The following SETBP1 variants were observed in gnomAD, a reference collection of about 807,000 sequenced individuals.
The protein encoded by SETBP1 is SET-binding protein.
A neutral mutation model predicts 101.0 loss-of-function variants in SETBP1; 9 were observed. The ratio of observed to expected loss-of-function variants is 0.09; its 90% CI spans 0.05 to 0.16. SETBP1 has a LOEUF of 0.16. Among genes scored for constraint, SETBP1 ranks in the 10% least tolerant of loss-of-function variants. The pLI is 1.00. For synonymous variants in SETBP1, 818 were observed against 788.5 expected, an observed-to-expected ratio of 1.04 and a Z score of -0.63; for missense variants, 1,858 against 2,033.8, an observed-to-expected ratio of 0.91 and a Z score of 1.66.
intron 2 of SETBP1, among the ~76,000 whole-genome samples, chr18:44,738,761 G>A (rs2360637): frequency 0.31 from 42,668 of 137,542 alleles, 6,522 homozygotes; most frequent in East Asian, 0.42. Flanking sequence ...GTGACAGAGC[G>A]AGACTCCATC....
At chr18:45,000,818 A>ACACACACACACACACT (rs935191660) in intron 4 of SETBP1, among the ~76,000 whole-genome samples, 1 of 151,574 alleles carries the variant, frequency 6.6e-6, no homozygotes, top group African/African-American at 2.4e-5. Context: ...ACACACACAC[A>ACACACACACACACACT]CACACACTCC....
intron 4 of SETBP1, among the ~76,000 whole-genome samples, chr18:45,016,866 C>T (rs377508548): frequency 2.6e-5 from 4 of 151,302 alleles, no homozygotes; most frequent in South Asian, 2.1e-4. Flanking sequence ...TTTTCAGAGC[C>T]GACTCTGGTA....
intron 2 of SETBP1, among the ~76,000 whole-genome samples, chr18:44,853,305 G>A (rs1599225239): frequency 6.6e-6 from 1 of 152,136 alleles, no homozygotes; most frequent in Admixed American, 6.5e-5. Flanking sequence ...AGGGTACAAA[G>A]TTTAACACCA....
chr18:44,760,782 G>A (rs528774757), intron 2 of SETBP1, among the ~76,000 whole-genome samples: 2 of 152,012 alleles, frequency 1.3e-5, no homozygotes, highest in Non-Finnish European at 2.9e-5. Flanking sequence ...TTTTTAACTC[G>A]CAGTAAAATA....
intron 3 of SETBP1, among the ~76,000 whole-genome samples, chr18:44,931,326 T>C (rs934227228): frequency 3.3e-5 from 5 of 152,142 alleles, no homozygotes; most frequent in Admixed American, 2.6e-4. Flanking sequence ...ATTTCTGTTC[T>C]TTTACATTTG....
At chr18:44,976,484 C>T (rs903311310) in intron 4 of SETBP1, among the ~76,000 whole-genome samples, 6 of 152,198 alleles carry the variant, frequency 3.9e-5, no homozygotes, top group Non-Finnish European at 7.3e-5. Flanking sequence ...GGCCCTCATC[C>T]GCCCTGCTGT....
At chr18:44,725,230 T>A (rs1021163137) in intron 2 of SETBP1, among the ~76,000 whole-genome samples, 1 of 152,310 alleles carries the variant, frequency 6.6e-6, no homozygotes, top group East Asian at 1.9e-4. Flanking sequence ...CTTTTCAACA[T>A]CTAAATCTGG....
chr18:44,992,995 A>T lies in SETBP1; in HGVS notation c.4000+39655A>T, dbSNP rs2072411727. On this transcript the variant is annotated intron_variant, in intron 4 of 5. Transcript: ENST00000649279. The stretch of plus-strand genomic sequence containing the variant: ...GATTTACCTCAGGAATGCAATTTTG[A>T]TCTAACATTAGAAAATAGATAAATA... Among the ~76,000 whole-genome samples, 3 of 152,112 alleles carry T rather than the reference A, an allele frequency of 2.0e-5. No individual in the cohort carries two copies. The South Asian group carries it at 6.2e-4, about 31-fold the overall frequency.
At chr18:44,772,856 G>A (rs897253888) in intron 2 of SETBP1, among the ~76,000 whole-genome samples, 6 of 152,160 alleles carry the variant, frequency 3.9e-5, no homozygotes, top group African/African-American at 1.4e-4. Context: ...CTCAAAACAT[G>A]TTAGATCTTA....
intron 2 of SETBP1, among the ~76,000 whole-genome samples, chr18:44,724,920 A>C (rs140281865): frequency 2.6e-5 from 4 of 152,336 alleles, no homozygotes; most frequent in African/African-American, 9.6e-5. Context: ...ATGAGCAAGA[A>C]TATTATTAAA....
At chr18:44,985,133 G>A (rs1169226482) in intron 4 of SETBP1, among the ~76,000 whole-genome samples, 2 of 152,060 alleles carry the variant, frequency 1.3e-5, no homozygotes, top group Non-Finnish European at 2.9e-5. Flanking sequence ...AGAGACTGTC[G>A]CCTTTTGAAC....
intron 2 of SETBP1, among the ~76,000 whole-genome samples, chr18:44,780,434 G>A (rs143174333): frequency 5.5e-4 from 84 of 152,222 alleles, no homozygotes; most frequent in African/African-American, 1.9e-3. Context: ...ATAATAAATC[G>A]TAAATATTTG....
chr18:44,894,575 T>G (rs2069848174), intron 3 of SETBP1, among the ~76,000 whole-genome samples: 3 of 152,156 alleles, frequency 2.0e-5, no homozygotes, highest in African/African-American at 7.2e-5. Flanking sequence ...TATATAGAAT[T>G]CCCATTCATT....
chr18:44,746,436 A>T (rs1387560185), intron 2 of SETBP1, among the ~76,000 whole-genome samples: 1 of 152,242 alleles, frequency 6.6e-6, no homozygotes, highest in Non-Finnish European at 1.5e-5. Flanking sequence ...CCTTCAGGCC[A>T]TGTTCCAAAA....
chr18:45,011,690 T>C (rs1473267378), intron 4 of SETBP1, among the ~76,000 whole-genome samples: 1 of 152,208 alleles, frequency 6.6e-6, no homozygotes, highest in Non-Finnish European at 1.5e-5. Flanking sequence ...AATAGTCTTC[T>C]AAAACCTACT....
chr18:44,860,801 A>T (rs1244338444), intron 2 of SETBP1, among the ~76,000 whole-genome samples: 1 of 152,028 alleles, frequency 6.6e-6, no homozygotes, highest in African/African-American at 2.4e-5. Context: ...CCCATGAGTA[A>T]CTCATGCACA....
At position 44,877,394 on chromosome 18, in the gene SETBP1, A is replaced by G. The variant is rs919613298; in HGVS notation, c.540+8111A>G. The G allele has an allele frequency of 5.1e-6, 5 of 980,402 alleles. No homozygotes were observed. In the African/African-American group the frequency reaches 8.7e-5, roughly 17 times the overall value. The allele number at this position is 980,402 out of a possible 1,614,324, so 60.7% of individuals were successfully genotyped here. On this transcript the variant is annotated intron_variant, in intron 3 of 5. Coordinates refer to ENST00000649279, the MANE Select transcript of SETBP1 (RefSeq NM_015559.3). ...ACCAACACTGAGCTTTCCTAGTTTTAATAAAAGAGTAGGATTTGGACTCCT... is the reference window on the plus strand; with the variant it reads ...ACCAACACTGAGCTTTCCTAGTTTTGATAAAAGAGTAGGATTTGGACTCCT...
At chr18:44,958,647 G>A (rs1047470796) in intron 4 of SETBP1, among the ~76,000 whole-genome samples, 3 of 152,118 alleles carry the variant, frequency 2.0e-5, no homozygotes, top group African/African-American at 7.2e-5. Context: ...TCAAGGAGAA[G>A]GGCAGGGAAA....
At chr18:44,856,329 G>A (rs1316635658) in intron 2 of SETBP1, among the ~76,000 whole-genome samples, 1 of 152,206 alleles carries the variant, frequency 6.6e-6, no homozygotes, top group Non-Finnish European at 1.5e-5. Context: ...AGGAAGGCTG[G>A]TCTGGATTAT....
Sources: allele counts gnomAD v4.1 joint callset (sites outside exome capture counted in the v4.1 genomes callset), GRCh38; gene constraint gnomAD v4.1.1; transcripts MANE v1.5; gene names NCBI Gene and HGNC (gene_info 2026-07-23, HGNC 2026-07-21).